TNR: variants seen among roughly 807,000 people sequenced by gnomAD.
The protein encoded by TNR is tenascin-R.
Under a neutral mutation model 150.4 loss-of-function variants are expected in TNR, and 45 were observed. The observed-to-expected ratio is 0.30, with a 90% confidence interval of 0.24 to 0.38. TNR has a LOEUF of 0.38. Ranked by LOEUF, TNR falls within the 10% of genes least tolerant of loss-of-function variation. The pLI is 1.00. For missense variants in TNR, 1,544 were observed against 1,759.1 expected (o/e 0.88, Z 2.19); for synonymous variants, 687 against 678.4 (o/e 1.01, Z -0.20).
chr1:175,710,588 C>A, intron 1 of TNR, among the ~76,000 whole-genome samples: 1 of 152,078 alleles, frequency 6.6e-6, no homozygotes, highest in East Asian at 1.9e-4. Context: ...CTCCAGACAG[C>A]CCTCTTAAGT....
intron 1 of TNR, among the ~76,000 whole-genome samples, chr1:175,580,925 G>T (rs561315781): frequency 1.3e-5 from 2 of 152,240 alleles, no homozygotes; most frequent in Admixed American, 6.5e-5. Context: ...GTTTCAAGTT[G>T]TCAGGGGGTG....
At chr1:175,500,256 T>C (rs1428438864) in intron 2 of TNR, among the ~76,000 whole-genome samples, 1 of 152,310 alleles carries the variant, frequency 6.6e-6, no homozygotes, top group Non-Finnish European at 1.5e-5. Context: ...GGAATGAATA[T>C]TGAGCCCAGG....
intron 7 of TNR, 135 bp from the exon 8 acceptor site, chr1:175,386,436 G>C: frequency 1.1e-6 from 1 of 943,398 alleles, no homozygotes; most frequent in Non-Finnish European, 1.5e-6. Context: ...TTTTACAGAT[G>C]AGGAAAATGA....
chr1:175,590,792 G>A (rs1045338664), intron 1 of TNR, among the ~76,000 whole-genome samples: 12 of 152,248 alleles, frequency 7.9e-5, no homozygotes, highest in African/African-American at 2.9e-4. Flanking sequence ...AATAGCAGGA[G>A]GTAAGCTCAG....
At chr1:175,591,302 C>G (rs1240258763) in intron 1 of TNR, among the ~76,000 whole-genome samples, 1 of 152,184 alleles carries the variant, frequency 6.6e-6, no homozygotes, top group East Asian at 1.9e-4. Context: ...ACTCTCCTTG[C>G]TGGATGAGCA....
intron 1 of TNR, among the ~76,000 whole-genome samples, chr1:175,638,961 G>A (rs918484927): frequency 3.9e-5 from 6 of 151,956 alleles, no homozygotes; most frequent in Admixed American, 3.3e-4. Flanking sequence ...AATCTTTCTT[G>A]ACTTCTCTCT....
At chr1:175,530,130 G>A (rs1660007192) in intron 1 of TNR, among the ~76,000 whole-genome samples, 1 of 152,166 alleles carries the variant, frequency 6.6e-6, no homozygotes, top group Non-Finnish European at 1.5e-5. Context: ...GGTTCCTTAA[G>A]TAACATTTTA....
At chr1:175,643,145 AAGG>A (rs1033803683) in intron 1 of TNR, among the ~76,000 whole-genome samples, 24 of 152,296 alleles carry the variant, frequency 1.6e-4, no homozygotes, top group African/African-American at 5.8e-4. Flanking sequence ...GGGAACCCAG[AAGG>A]AGAAGCATGT....
In TNR at chr1:175,417,011, A is replaced by AAAAGAAAGAAAGAAAGGAAGAAAG. The variant is rs1654498851; in HGVS notation, c.-63-10235_-63-10234insCTTTCTTCCTTTCTTTCTTTCTTT. On this transcript the variant is annotated intron_variant, in intron 2 of 22. Coordinates refer to ENST00000367674, the MANE Select transcript of TNR (RefSeq NM_003285.3). ...CTACAGAGCGAGACTCCATCTCAAA[A>AAAAGAAAGAAAGAAAGGAAGAAAG]AAAGAAAGAAAGAAAGAAAGAAAGA... Among the ~76,000 whole-genome samples the AAAAGAAAGAAAGAAAGGAAGAAAG allele has an allele frequency of 3.3e-5, 3 of 90,848 alleles. 1 individual carries two copies. Among genetic ancestry groups the AAAAGAAAGAAAGAAAGGAAGAAAG allele is most frequent in the African/African-American group, 1.4e-4 (3 of 21,798 alleles). The allele number at this position is 90,848 out of a possible 152,430, so 59.6% of individuals were successfully genotyped here.
intron 1 of TNR, among the ~76,000 whole-genome samples, chr1:175,711,690 T>A (rs546079268): frequency 1.1e-4 from 16 of 151,944 alleles, no homozygotes; most frequent in African/African-American, 3.6e-4. Flanking sequence ...AGAGAGGTGG[T>A]GGGAGGGGCT....
intron 1 of TNR, among the ~76,000 whole-genome samples, chr1:175,661,731 T>C (rs1235411238): frequency 6.6e-6 from 1 of 152,050 alleles, no homozygotes; most frequent in African/African-American, 2.4e-5. Flanking sequence ...TTTCTCTCCC[T>C]GACTTTATTT....
At chr1:175,529,161 T>C (rs1287417833) in intron 1 of TNR, among the ~76,000 whole-genome samples, 1 of 152,242 alleles carries the variant, frequency 6.6e-6, no homozygotes, top group Admixed American at 6.5e-5. Context: ...TCGATAATTA[T>C]GCCTTCAAGG....
chr1:175,329,054 A>T (rs1649571113), intron 21 of TNR, among the ~76,000 whole-genome samples: 3 of 152,198 alleles, frequency 2.0e-5, no homozygotes, highest in Admixed American at 2.0e-4. Context: ...TGCTGTTGGA[A>T]ATGATCTCAG....
chr1:175,654,868 G>A (rs1471220177), intron 1 of TNR, among the ~76,000 whole-genome samples: 3 of 151,716 alleles, frequency 2.0e-5, no homozygotes, highest in Admixed American at 6.6e-5. Context: ...ACAGGCACCC[G>A]CCACCACAGC....
chr1:175,488,192 A>G (rs386467387), intron 2 of TNR, among the ~76,000 whole-genome samples: 1 of 152,384 alleles, frequency 6.6e-6, no homozygotes. Flanking sequence ...TGAGAGATCC[A>G]TAAACCCCGG....
At chr1:175,549,152 G>A (rs1257749420) in intron 1 of TNR, among the ~76,000 whole-genome samples, 1 of 152,222 alleles carries the variant, frequency 6.6e-6, no homozygotes, top group Non-Finnish European at 1.5e-5. Context: ...AAGGGAACAG[G>A]GGAGCCCACT....
intron 2 of TNR, among the ~76,000 whole-genome samples, chr1:175,501,282 C>T (rs6678203): frequency 0.4 from 61,456 of 151,794 alleles, 12,763 homozygotes; most frequent in East Asian, 0.52. Context: ...AGGAAGTAAG[C>T]GGCTATGTTG....
intron 2 of TNR, among the ~76,000 whole-genome samples, chr1:175,488,594 T>G (rs899383259): frequency 6.6e-6 from 1 of 152,206 alleles, no homozygotes; most frequent in Non-Finnish European, 1.5e-5. Flanking sequence ...AGATTTGCTA[T>G]GGGTCCAGCT....
chr1:175,466,259 C>T (rs555510740), intron 2 of TNR, among the ~76,000 whole-genome samples: 73 of 152,340 alleles, frequency 4.8e-4, no homozygotes, highest in African/African-American at 1.7e-3. Flanking sequence ...AAATGCCAGT[C>T]TCTGGATTCA....
Sources: allele counts gnomAD v4.1 joint callset (sites outside exome capture counted in the v4.1 genomes callset), GRCh38; gene constraint gnomAD v4.1.1; transcripts MANE v1.5; gene names NCBI Gene and HGNC (gene_info 2026-07-23, HGNC 2026-07-21).